Variants in PCDHA10 observed in about 807,000 individuals in gnomAD.
PCDHA10 encodes protocadherin alpha 10, also known as protocadherin alpha-10.
A neutral mutation model predicts 61.2 loss-of-function variants in PCDHA10; 45 were observed. The ratio of observed to expected loss-of-function variants is 0.74; its 90% CI spans 0.58 to 0.94. The LOEUF is 0.94. Ranked by LOEUF, PCDHA10 falls within the 40% of genes least tolerant of loss-of-function variation. The pLI is 0.00. For missense variants in PCDHA10, 1,278 were observed against 1,236.2 expected (o/e 1.03, Z -0.51); for synonymous variants, 602 against 548.8 (o/e 1.10, Z -1.35).
chr5:140,870,118 A>C, intron 1 of PCDHA10: 1 of 1,613,892 alleles, frequency 6.2e-7, no homozygotes, highest in Non-Finnish European at 8.5e-7. Context: ...CTGGGTGGAA[A>C]TCTTGGACAC....
intron 1 of PCDHA10, chr5:140,877,310 C>G (rs371801888): frequency 6.2e-7 from 1 of 1,613,938 alleles, no homozygotes; most frequent in Non-Finnish European, 8.5e-7. Flanking sequence ...GAGTTGCAAC[C>G]GGCGGCGGTC....
chr5:141,010,384 G>T lies in PCDHA10; in HGVS notation c.*447G>T, dbSNP rs2098417140. 10 of 1,411,480 alleles carry T rather than the reference G, an allele frequency of 7.1e-6. No homozygotes were observed. In the South Asian group the frequency reaches 8.5e-5, roughly 12 times the overall value. The allele number at this position is 1,411,480 out of a possible 1,614,324, so 87.4% of individuals were successfully genotyped here. A position where few individuals can be genotyped will look rare whatever the true frequency, so the allele number is the denominator to read the frequency against. ...GCGGGTATGCGAGTGCCAGATATTGGCTGAGACGAGCCAGCTTAGACTAAT... is the reference window on the plus strand; with the variant it reads ...GCGGGTATGCGAGTGCCAGATATTGTCTGAGACGAGCCAGCTTAGACTAAT... On this transcript the variant is annotated 3_prime_UTR_variant, in exon 4 of 4. Coordinates refer to ENST00000307360, the MANE Select transcript of PCDHA10 (RefSeq NM_018901.4).
intron 1 of PCDHA10, chr5:140,876,169 C>T (rs782706242): frequency 3.1e-6 from 5 of 1,613,798 alleles, no homozygotes; most frequent in Non-Finnish European, 4.2e-6. Context: ...AATAACCGTC[C>T]TGGATGTGAA....
At chr5:140,875,543 G>A in intron 1 of PCDHA10, 1 of 1,614,164 alleles carries the variant, frequency 6.2e-7, no homozygotes, top group Non-Finnish European at 8.5e-7. Flanking sequence ...CTTGCAGCCT[G>A]GGAGGTGGGG....
chr5:140,877,944 A>C (rs538675333), intron 1 of PCDHA10: 48 of 1,359,672 alleles, frequency 3.5e-5, no homozygotes, highest in Non-Finnish European at 4.6e-5. Context: ...CCTTTAAACT[A>C]TCGAATGTCT....
rs782776341 is a variant in PCDHA10 at position 140,884,056 on chromosome 5, G to A, written c.2388+25620G>A. On this transcript the variant is annotated intron_variant, in intron 1 of 3. Coordinates refer to ENST00000307360, the MANE Select transcript of PCDHA10 (RefSeq NM_018901.4). ...GCCACGTGGTGGCGAAGGTGCGCGC[G>A]GTGGACGCCGATTCGGGCTACAATG... 3.1e-6 allele frequency: 5 copies of A among 1,613,476 alleles called. No homozygotes were observed. In the South Asian group the frequency reaches 4.4e-5, roughly 14 times the overall value.
At position 140,858,235 on chromosome 5, in the gene PCDHA10, A is replaced by T. The variant is rs2045286318; in HGVS notation, c.2187A>T (p.Ala729=). The T allele has an allele frequency of 6.3e-7, 1 of 1,596,218 alleles. No individual in the cohort carries two copies. Among genetic ancestry groups the T allele is most frequent in the African/African-American group, 1.3e-5 (1 of 74,452 alleles). Residue 729 remains alanine, a synonymous_variant, in exon 1 of 4, where the codon GCA becomes GCT. Transcript: ENST00000307360. ...LRCSAAPTEG[A]CGPVKPTLVC... is the part of the protein sequence containing the mutation. ...GCTCGGCGGCGCCCACCGAGGGCGC[A>T]TGTGGGCCGGTGAAGCCCACGCTGG...
chr5:140,868,834 A>G (rs1554162245), intron 1 of PCDHA10: 10 of 427,500 alleles, frequency 2.3e-5, no homozygotes, highest in Non-Finnish European at 8.0e-6. Context: ...AAGAAACCCA[A>G]AACACGTGAA....
At chr5:140,869,267 A>G in intron 1 of PCDHA10, 1 of 1,613,490 alleles carries the variant, frequency 6.2e-7, no homozygotes, top group South Asian at 1.1e-5. Flanking sequence ...CTGGGGCTGG[A>G]GCTGGCGGAG....
intron 1 of PCDHA10, chr5:140,860,693 G>C (rs2046523245): frequency 6.6e-6 from 1 of 152,204 alleles, no homozygotes; most frequent in Non-Finnish European, 1.5e-5. Context: ...TTGAGCGACA[G>C]GATATTGTTG....
At chr5:140,870,944 C>G in intron 1 of PCDHA10, 1 of 1,613,658 alleles carries the variant, frequency 6.2e-7, no homozygotes, top group Middle Eastern at 1.7e-4. Context: ...CAGCCGGCGG[C>G]GGGCGGCTCG....
Position 140,858,289 on chromosome 5 carries a change from T to A in PCDHA10, c.2241T>A (p.Ser747=). Residue 747 remains serine (S), a synonymous_variant, in exon 1 of 4, where the codon TCT becomes TCA. Coordinates refer to ENST00000307360, the MANE Select transcript of PCDHA10 (RefSeq NM_018901.4). The part of the protein sequence containing the change: ...LVCSSAVGSW[S]YSQQRRQRVC... ...GCTCTAGCGCGGTGGGGAGCTGGTCTTACTCGCAGCAGAGGCGGCAGAGGG... is the reference window on the plus strand; with the variant it reads ...GCTCTAGCGCGGTGGGGAGCTGGTCATACTCGCAGCAGAGGCGGCAGAGGG... The A allele has an allele frequency of 1.3e-6, 2 of 1,597,184 alleles. No homozygotes were observed. Among genetic ancestry groups the A allele is most frequent in the East Asian group, 4.5e-5 (2 of 44,802 alleles).
chr5:140,908,754 A>C (rs1403008536), intron 1 of PCDHA10, among the ~76,000 whole-genome samples: 1 of 152,184 alleles, frequency 6.6e-6, no homozygotes, highest in Non-Finnish European at 1.5e-5. Context: ...ACTTGCACAC[A>C]GCCTGGACGT....
chr5:140,882,767 G>T lies in PCDHA10; in HGVS notation c.2388+24331G>T, dbSNP rs1348655523. ...CGATGCAGATATTGGAGTAAACTCG[G>T]CATTGACCTACCGACTGGATCCCAA... On this transcript the variant is annotated intron_variant, in intron 1 of 3. Transcript: ENST00000307360. 1.9e-6 allele frequency: 3 copies of T among 1,614,058 alleles called. No individual in the cohort carries two copies. The South Asian group carries it at 3.3e-5, about 18-fold the overall frequency.
chr5:140,955,557 C>T (rs1281978824), intron 1 of PCDHA10, among the ~76,000 whole-genome samples: 1 of 152,114 alleles, frequency 6.6e-6, no homozygotes, highest in East Asian at 1.9e-4. Flanking sequence ...GCCTCCCCAG[C>T]CATACTGAAC....
intron 1 of PCDHA10, among the ~76,000 whole-genome samples, chr5:140,902,680 C>T (rs943072063): frequency 3.9e-5 from 6 of 152,094 alleles, no homozygotes; most frequent in Admixed American, 6.5e-5. Context: ...GTACACCGTA[C>T]CTAATATGTG....
intron 1 of PCDHA10, among the ~76,000 whole-genome samples, chr5:140,923,018 T>G (rs1353684633): frequency 6.6e-6 from 1 of 152,224 alleles, no homozygotes; most frequent in African/African-American, 2.4e-5. Flanking sequence ...GACTGCAGTT[T>G]CGGACTCTAT....
chr5:140,884,459 G>T (rs530412188), intron 1 of PCDHA10: 2 of 1,613,754 alleles, frequency 1.2e-6, no homozygotes, highest in South Asian at 2.2e-5. Flanking sequence ...CACCGAGGGC[G>T]CGTGCGCGCC....
intron 1 of PCDHA10, among the ~76,000 whole-genome samples, chr5:140,944,732 G>A (rs1351639657): frequency 6.6e-6 from 1 of 152,142 alleles, no homozygotes; most frequent in Non-Finnish European, 1.5e-5. Context: ...ACCTTAGTAA[G>A]TCTGAGCATT....
Sources: gnomAD v4.1 joint callset for allele counts (sites outside exome capture counted in the v4.1 genomes callset) on GRCh38, gnomAD v4.1.1 for gene constraint, MANE v1.5 for transcripts, NCBI Gene and HGNC (gene_info 2026-07-23, HGNC 2026-07-21) for gene names.